Variants in RAB3IP observed in about 807,000 individuals in gnomAD.
RAB3IP encodes the protein RAB3A interacting protein.
Under a neutral mutation model 59.1 loss-of-function variants are expected in RAB3IP, and 36 were observed. The ratio of observed to expected loss-of-function variants is 0.61; its 90% CI spans 0.47 to 0.80. The LOEUF is 0.80. Among genes scored for constraint, RAB3IP ranks in the 30% least tolerant of loss-of-function variants. RAB3IP has a pLI of 0.00. For synonymous variants in RAB3IP, 207 were observed against 191.2 expected (o/e 1.08, Z -0.68); for missense variants, 511 against 536.0 (o/e 0.95, Z 0.46).
At chr12:69,805,038 T>C (rs1005143283) in intron 8 of RAB3IP, among the ~76,000 whole-genome samples, 245 of 152,242 alleles carry the variant, frequency 1.6e-3, no homozygotes, top group East Asian at 5.2e-3. Flanking sequence ...TGAAGAAAGT[T>C]GTTGGTAGCT....
At chr12:69,796,403 T>A in intron 6 of RAB3IP, 1 of 329,980 alleles carries the variant, frequency 3.0e-6, no homozygotes, top group Non-Finnish European at 5.4e-6. Flanking sequence ...AAATTTTTAA[T>A]CATTGTATAC....
At position 69,819,003 on chromosome 12, in the gene RAB3IP, C is replaced by G. The variant is rs533618808; in HGVS notation, c.*3557C>G. 9.2e-5 allele frequency: 14 copies of G among 152,240 alleles called. No individual in the cohort carries two copies. The highest frequency in any genetic ancestry group is 3.1e-4 in the African/African-American group (13 of 41,526). 9.4% of individuals were successfully genotyped at this position (152,240 alleles called of 1,614,324 possible). A position where few individuals can be genotyped will look rare whatever the true frequency, so the allele number is the denominator to read the frequency against. On this transcript the variant is annotated 3_prime_UTR_variant, in exon 11 of 11. Transcript: ENST00000247833. ...GATAGGAAGATCCTTGAGGCCAGTT[C>G]AAGGCTATAGTGTGCTATGATTTCA...
intron 1 of RAB3IP, chr12:69,739,855 A>G (rs756960116): frequency 4.0e-5 from 65 of 1,611,648 alleles, no homozygotes; most frequent in Non-Finnish European, 5.2e-5. Flanking sequence ...TTATGGGATT[A>G]AAAAAGATGA....
intron 6 of RAB3IP, 123 bp from the exon 7 acceptor site, chr12:69,800,086 A>C (rs1182504600): frequency 4.3e-6 from 3 of 702,224 alleles, no homozygotes; most frequent in Admixed American, 4.1e-5. Context: ...AGAGTGGTTC[A>C]ATTTATTATT....
intron 3 of RAB3IP, among the ~76,000 whole-genome samples, chr12:69,766,563 C>G (rs1872236516): frequency 6.6e-6 from 1 of 151,750 alleles, no homozygotes; most frequent in African/African-American, 2.4e-5. Flanking sequence ...TCTTGTCACC[C>G]AGGCTGGAGT....
intron 3 of RAB3IP, among the ~76,000 whole-genome samples, chr12:69,765,103 T>C (rs1871975471): frequency 6.6e-6 from 1 of 152,186 alleles, no homozygotes; most frequent in African/African-American, 2.4e-5. Context: ...AATTTGACTT[T>C]TTCTTTTCAT....
intron 1 of RAB3IP, among the ~76,000 whole-genome samples, chr12:69,743,884 G>C (rs2136097355): frequency 6.7e-6 from 1 of 148,432 alleles, no homozygotes; most frequent in East Asian, 2.1e-4. Context: ...TATTTAGTCA[G>C]TGCGTATTTC....
chr12:69,790,484 G>C (rs576966306), intron 4 of RAB3IP, among the ~76,000 whole-genome samples: 1 of 152,294 alleles, frequency 6.6e-6, no homozygotes, highest in Non-Finnish European at 1.5e-5. Flanking sequence ...TTCTACCCAA[G>C]TGATTTACAG....
chr12:69,810,888 A>ATG (rs1352981021), intron 8 of RAB3IP, among the ~76,000 whole-genome samples: 1 of 152,198 alleles, frequency 6.6e-6, no homozygotes, highest in Non-Finnish European at 1.5e-5. Flanking sequence ...AGATTTATTA[A>ATG]TGTAGTGTAG....
At chr12:69,784,954 T>C (rs1565903364) in intron 4 of RAB3IP, 139 bp downstream of exon 4, 1 of 441,124 alleles carries the variant, frequency 2.3e-6, no homozygotes, top group South Asian at 4.3e-5. Flanking sequence ...GAGAAATCTT[T>C]AAGCAATGTA....
chr12:69,794,010 T>TA (rs1221980018), intron 4 of RAB3IP, among the ~76,000 whole-genome samples: 1 of 152,194 alleles, frequency 6.6e-6, no homozygotes, highest in South Asian at 2.1e-4. Flanking sequence ...TAGCTGTCAT[T>TA]ACTATAAACT....
In RAB3IP at chr12:69,800,343, T is replaced by G. The variant is rs1479770975; in HGVS notation, c.1017+6T>G. The G allele has an allele frequency of 1.3e-6, 2 of 1,531,896 alleles. No individual in the cohort carries two copies. The highest frequency in any genetic ancestry group is 1.8e-6 in the Non-Finnish European group (2 of 1,129,154). 94.9% of individuals were successfully genotyped at this position (1,531,896 alleles called of 1,614,324 possible). On this transcript the variant is annotated splice_donor_region_variant and intron_variant, in intron 7 of 10. Transcript: ENST00000247833. ...TAACATTCTCAAAAAGTGAGGTAAT[T>G]TTTTTTCATTTTAGTAGGAATTCAT...
intron 8 of RAB3IP, among the ~76,000 whole-genome samples, chr12:69,810,369 T>A (rs1409372548): frequency 3.3e-5 from 5 of 152,214 alleles, no homozygotes; most frequent in Admixed American, 2.6e-4. Context: ...GGAGGCAGTC[T>A]GCCTGTTCTC....
At chr12:69,800,636 T>C (rs191119205) in intron 7 of RAB3IP, among the ~76,000 whole-genome samples, 38 of 152,214 alleles carry the variant, frequency 2.5e-4, no homozygotes, top group African/African-American at 8.7e-4. Flanking sequence ...CAAGGTTCAG[T>C]GTAAGGGAAG....
chr12:69,810,541 AG>A (rs1291408026), intron 8 of RAB3IP, among the ~76,000 whole-genome samples: 1 of 152,208 alleles, frequency 6.6e-6, no homozygotes, highest in African/African-American at 2.4e-5. Flanking sequence ...AAACTGGTTT[AG>A]GTTTTTGAAG....
At chr12:69,801,826 A>G in intron 8 of RAB3IP, 105 bp downstream of exon 8, 1 of 696,810 alleles carries the variant, frequency 1.4e-6, no homozygotes. Context: ...TATTTCCCTC[A>G]GATTTCTCTT....
chr12:69,807,098 G>T (rs1007037754), intron 8 of RAB3IP, among the ~76,000 whole-genome samples: 1 of 152,106 alleles, frequency 6.6e-6, no homozygotes, highest in African/African-American at 2.4e-5. Flanking sequence ...TGTCTCTTCG[G>T]AGCTGTTGGG....
chr12:69,795,425 C>G (rs1422031014), intron 6 of RAB3IP, 81 bp downstream of exon 6: 2 of 1,215,664 alleles, frequency 1.6e-6, no homozygotes, highest in East Asian at 2.5e-5. Flanking sequence ...ATCATTTTTG[C>G]CAGCAAAATT....
At chr12:69,804,179 A>G (rs1293043090) in intron 8 of RAB3IP, among the ~76,000 whole-genome samples, 1 of 152,176 alleles carries the variant, frequency 6.6e-6, no homozygotes, top group Non-Finnish European at 1.5e-5. Context: ...TGACTGTTTA[A>G]TGATCGCCAT....
Sources: gnomAD v4.1 joint callset for allele counts (sites outside exome capture counted in the v4.1 genomes callset) on GRCh38, gnomAD v4.1.1 for gene constraint, MANE v1.5 for transcripts, NCBI Gene and HGNC (gene_info 2026-07-23, HGNC 2026-07-21) for gene names.